The following VGLL3 variants were observed in gnomAD, a reference collection of about 807,000 sequenced individuals.
VGLL3 encodes the protein vestigial like family member 3.
VGLL3 carries 18 observed loss-of-function variants against 29.2 expected under a neutral mutation model. The ratio of observed to expected loss-of-function variants is 0.62; its 90% confidence interval spans 0.43 to 0.91. VGLL3 has a LOEUF of 0.91. VGLL3 is among the 40% of genes least tolerant of loss of function. VGLL3 has a pLI of 0.00. For missense variants in VGLL3, 440 were observed against 413.2 expected, an observed-to-expected ratio of 1.06 and a Z score of -0.56; for synonymous variants, 180 against 151.8, an observed-to-expected ratio of 1.19 and a Z score of -1.36.
At chr3:86,956,498 A>T (rs1417918071) in intron 3 of VGLL3, among the ~76,000 whole-genome samples, 1 of 152,116 alleles carries the variant, frequency 6.6e-6, no homozygotes, top group Non-Finnish European at 1.5e-5. Flanking sequence ...TTTTTAAGAA[A>T]ATACTTGGCC....
intron 2 of VGLL3, among the ~76,000 whole-genome samples, chr3:86,976,227 G>C (rs1287720445): frequency 6.6e-6 from 1 of 152,024 alleles, no homozygotes; most frequent in African/African-American, 2.4e-5. Flanking sequence ...CCATCTTCAG[G>C]GCCTTTGCAC....
At chr3:86,968,112 A>C (rs1397442884) in intron 3 of VGLL3, among the ~76,000 whole-genome samples, 1 of 152,142 alleles carries the variant, frequency 6.6e-6, no homozygotes, top group African/African-American at 2.4e-5. Flanking sequence ...TTCTTTTAAA[A>C]TATGTTCCCT....
intron 1 of VGLL3, among the ~76,000 whole-genome samples, chr3:86,979,822 T>C (rs1035135631): frequency 8.6e-5 from 13 of 151,986 alleles, no homozygotes; most frequent in African/African-American, 3.1e-4. Flanking sequence ...ATCTAGCATA[T>C]AGATATGCGT....
intron 3 of VGLL3, among the ~76,000 whole-genome samples, chr3:86,965,459 T>C (rs1265069485): frequency 9.2e-5 from 14 of 152,160 alleles, no homozygotes; most frequent in Non-Finnish European, 4.4e-5. Flanking sequence ...ACTGCTCTGC[T>C]ACCCCTTCCT....
chr3:86,975,531 A>T (rs987796956), intron 2 of VGLL3, among the ~76,000 whole-genome samples: 2 of 152,208 alleles, frequency 1.3e-5, no homozygotes, highest in African/African-American at 4.8e-5. Context: ...AACTGTACCC[A>T]AAGAGTTCAT....
rs1046222794 is a variant in VGLL3 at position 86,990,798 on chromosome 3, G to T, written c.-55C>A. On this transcript the variant is annotated 5_prime_UTR_variant, in exon 1 of 4. Coordinates refer to ENST00000398399, the MANE Select transcript of VGLL3 (RefSeq NM_016206.4). ...TGCCGCCGCCGCTCTACGCGCTGGC[G>T]CGAGGGGCGCGGGCGCCGCCGCCGC... 2 of 1,233,564 alleles carry T rather than the reference G, an allele frequency of 1.6e-6. No individual in the cohort carries two copies. The highest frequency in any genetic ancestry group is 3.2e-5 in the African/African-American group (2 of 63,326). 76.4% of individuals were successfully genotyped at this position (1,233,564 alleles called of 1,614,324 possible).
intron 2 of VGLL3, among the ~76,000 whole-genome samples, chr3:86,976,098 G>C (rs1177185381): frequency 6.6e-6 from 1 of 151,852 alleles, no homozygotes; most frequent in Non-Finnish European, 1.5e-5. Context: ...TGGGTGACAA[G>C]AGCGAAACTC....
At chr3:86,955,977 T>G (rs1704714092) in intron 3 of VGLL3, among the ~76,000 whole-genome samples, 1 of 152,226 alleles carries the variant, frequency 6.6e-6, no homozygotes, top group Non-Finnish European at 1.5e-5. Flanking sequence ...ATTCAGAACA[T>G]GTTGCCTGCA....
At chr3:86,980,711 G>T (rs1378297574) in intron 1 of VGLL3, among the ~76,000 whole-genome samples, 2 of 151,878 alleles carry the variant, frequency 1.3e-5, no homozygotes, top group South Asian at 2.1e-4. Flanking sequence ...TGAATATTAT[G>T]ATTTATTAGT....
At chr3:86,990,516 C>T in intron 1 of VGLL3, 102 bp downstream of exon 1, 2 of 1,292,960 alleles carry the variant, frequency 1.5e-6, no homozygotes, top group Non-Finnish European at 2.0e-6. Flanking sequence ...CCCAGAGCAT[C>T]CTCTGCGCCA....
intron 1 of VGLL3, among the ~76,000 whole-genome samples, chr3:86,980,539 C>T (rs984954275): frequency 6.6e-6 from 1 of 152,002 alleles, no homozygotes; most frequent in Admixed American, 6.6e-5. Flanking sequence ...TAGATGATTG[C>T]TTTTATTTCT....
intron 3 of VGLL3, among the ~76,000 whole-genome samples, chr3:86,967,177 C>A (rs1272779727): frequency 1.3e-5 from 2 of 152,070 alleles, no homozygotes; most frequent in Non-Finnish European, 2.9e-5. Context: ...GTTGCTGTTG[C>A]CACATAAGTA....
intron 3 of VGLL3, among the ~76,000 whole-genome samples, chr3:86,951,222 A>G (rs560187734): frequency 6.6e-6 from 1 of 152,318 alleles, no homozygotes; most frequent in South Asian, 2.1e-4. Context: ...TGAAGATTCT[A>G]AACAGTCTTA....
In VGLL3 at chr3:86,968,444, G is replaced by A. The variant is rs531014415; in HGVS notation, c.937+146C>T. ...TCATACCAGTTTCTGCAGGAATGCA[G>A]AAATTATTGCAAAATGGCTAGGTTC... On this transcript the variant is annotated intron_variant, in intron 3 of 3. Transcript: ENST00000398399. 3.9e-5 allele frequency: 37 copies of A among 948,928 alleles called. No individual in the cohort carries two copies. In the African/African-American group the frequency reaches 5.1e-4, roughly 13 times the overall value. 58.8% of individuals were successfully genotyped at this position (948,928 alleles called of 1,614,324 possible).
In VGLL3 at chr3:86,945,376, T is replaced by C. The variant is rs1704486099; in HGVS notation, c.*1648A>G. ...CATATATGATACGAACAATTAAAGA[T>C]AGAAAGTGGCATTTCACTGAACATA... On this transcript the variant is annotated 3_prime_UTR_variant, in exon 4 of 4. Coordinates refer to ENST00000398399, the MANE Select transcript of VGLL3 (RefSeq NM_016206.4). The C allele has an allele frequency of 6.6e-6, 1 of 152,120 alleles. No homozygotes were observed. 9.4% of individuals were successfully genotyped at this position (152,120 alleles called of 1,614,324 possible). A position where few individuals can be genotyped will look rare whatever the true frequency, so the allele number is the denominator to read the frequency against.
At chr3:86,985,091 G>T (rs964952756) in intron 1 of VGLL3, among the ~76,000 whole-genome samples, 2 of 152,108 alleles carry the variant, frequency 1.3e-5, no homozygotes, top group African/African-American at 4.8e-5. Context: ...TTGAAAACAA[G>T]AAACTTTGAT....
Position 86,978,565 on chromosome 3 carries a change from T to A in VGLL3, c.364A>T (p.Ile122Phe), listed in dbSNP as rs761478211. ...GTTAGCCCCATCTTGCTTTTTGAAA[T>A]GGCAGATTCTGGATGGAGGGTGATG... ...QAITLHPESA[I>F]SKSKMGLTPL... is the part of the protein sequence containing the mutation. Residue 122 changes from isoleucine (I) to phenylalanine (F), a missense_variant, in exon 2 of 4, where the codon ATT (isoleucine) becomes TTT (phenylalanine). Ile to Phe is a conservative substitution (Grantham distance 21). Coordinates refer to ENST00000398399, the MANE Select transcript of VGLL3 (RefSeq NM_016206.4). The A allele has an allele frequency of 2.3e-5, 37 of 1,614,162 alleles. 1 individual carries two copies. In the South Asian group the frequency reaches 4.1e-4, roughly 18 times the overall value.
chr3:86,962,488 C>T (rs1704873465), intron 3 of VGLL3: 1 of 985,062 alleles, frequency 1.0e-6, no homozygotes, highest in African/African-American at 1.8e-5. Context: ...TTTTGCCTAC[C>T]AAACCTCAAA....
intron 3 of VGLL3, among the ~76,000 whole-genome samples, chr3:86,955,380 CTTT>C (rs67190879): frequency 2.2e-4 from 29 of 131,688 alleles, no homozygotes; most frequent in African/African-American, 7.3e-4. Flanking sequence ...CTCTCTCTCT[CTTT>C]TTTTTTTTTT....
Sources: gnomAD v4.1 joint callset for allele counts (sites outside exome capture counted in the v4.1 genomes callset) on GRCh38, gnomAD v4.1.1 for gene constraint, MANE v1.5 for transcripts, NCBI Gene and HGNC (gene_info 2026-07-23, HGNC 2026-07-21) for gene names.